CENPN: variants seen among roughly 807,000 people sequenced by gnomAD.
The protein encoded by CENPN is interphase centromere complex protein 32.
In CENPN, 36 loss-of-function variants were observed where a neutral mutation model predicts 48.6. The observed-to-expected ratio is 0.74, with a 90% confidence interval of 0.57 to 0.98. The LOEUF (loss-of-function observed/expected upper bound fraction) is 0.98. Ranked by LOEUF, CENPN falls within the 50% of genes least tolerant of loss-of-function variation. The pLI is 0.00. For missense variants in CENPN, 439 were observed against 399.2 expected, an observed-to-expected ratio of 1.10 and a Z score of -0.85; for synonymous variants, 166 against 135.2, an observed-to-expected ratio of 1.23 and a Z score of -1.58.
At chr16:81,032,940 C>A, downstream of CENPN, 1 of 338,268 alleles carries the variant, frequency 3.0e-6, no homozygotes. Flanking sequence ...CTGTGGCCAA[C>A]CAACCAATGA....
intron 5 of CENPN, among the ~76,000 whole-genome samples, chr16:81,019,031 C>T (rs1386814007): frequency 6.6e-6 from 1 of 152,134 alleles, no homozygotes; most frequent in Non-Finnish European, 1.5e-5. Context: ...GTATTTTATC[C>T]ATGAAGTGGA....
At chr16:81,016,284 C>G (rs901830412) in intron 3 of CENPN, among the ~76,000 whole-genome samples, 1 of 152,156 alleles carries the variant, frequency 6.6e-6, no homozygotes, top group Non-Finnish European at 1.5e-5. Flanking sequence ...TGCTTGAGCC[C>G]GCGAGTTCAA....
chr16:81,024,797 G>C lies in CENPN; in HGVS notation c.697+19G>C. ...ATAAATAGTACGTGTGTGTTAATAT[G>C]AAACTGAATTTTGGAAATGCATCAT... On this transcript the variant is annotated intron_variant, in intron 8 of 10. Coordinates refer to ENST00000305850, the MANE Select transcript of CENPN (RefSeq NM_001100624.3). 6.5e-7 allele frequency: 1 copy of C among 1,548,214 alleles called. No homozygotes were observed. The highest frequency in any genetic ancestry group is 8.9e-7 in the Non-Finnish European group (1 of 1,128,268).
downstream of CENPN, chr16:81,032,434 C>A: frequency 1.2e-6 from 1 of 809,168 alleles, no homozygotes; most frequent in Non-Finnish European, 2.0e-6. Flanking sequence ...TATAAGCGTC[C>A]ACACCCCATT....
At chr16:81,022,871 G>C (rs1230468657) in intron 7 of CENPN, 173 bp downstream of exon 7, 3 of 1,610,214 alleles carry the variant, frequency 1.9e-6, no homozygotes, top group African/African-American at 2.7e-5. Context: ...ATTCCTCACA[G>C]TCATCTTTTT....
At chr16:81,014,251 G>C in intron 3 of CENPN, 70 bp downstream of exon 3, 1 of 1,313,798 alleles carries the variant, frequency 7.6e-7, no homozygotes, top group Non-Finnish European at 1.1e-6. Flanking sequence ...TTCTTTCTTT[G>C]TGAGACAGGG....
intron 8 of CENPN, 112 bp downstream of exon 8, chr16:81,024,890 T>G: frequency 3.3e-6 from 2 of 607,978 alleles, no homozygotes; most frequent in South Asian, 2.9e-5. Context: ...CTTTTATTGT[T>G]TTCAGAAAAA....
intron 2 of CENPN, among the ~76,000 whole-genome samples, chr16:81,012,571 C>T (rs1431608368): frequency 6.6e-6 from 1 of 152,024 alleles, no homozygotes; most frequent in Admixed American, 6.6e-5. Flanking sequence ...CCAATATACC[C>T]GTCTCTCCTT....
intron 6 of CENPN, chr16:81,020,628 TG>T (rs753512024): frequency 5.9e-6 from 1 of 170,062 alleles, no homozygotes; most frequent in Non-Finnish European, 1.2e-5. Flanking sequence ...TATATTTTAT[TG>T]TTTTTTGATC....
At chr16:81,019,746 C>T (rs1326791555) in intron 5 of CENPN, among the ~76,000 whole-genome samples, 4 of 151,758 alleles carry the variant, frequency 2.6e-5, no homozygotes, top group East Asian at 1.9e-4. Context: ...CATGATGGCA[C>T]GTGCCTGTGG....
At chr16:81,020,335 T>C in intron 6 of CENPN, 59 bp downstream of exon 6, 1 of 1,500,530 alleles carries the variant, frequency 6.7e-7, no homozygotes, top group Non-Finnish European at 9.0e-7. Context: ...AAGGTCTATA[T>C]AGATTTTAAC....
At chr16:81,028,149 A>G in intron 9 of CENPN, 22 bp from the exon 10 acceptor site, 3 of 1,546,222 alleles carry the variant, frequency 1.9e-6, no homozygotes, top group Non-Finnish European at 2.7e-6. Flanking sequence ...TTTAATAGTC[A>G]TTTATAAATG....
intron 6 of CENPN, among the ~76,000 whole-genome samples, chr16:81,020,834 A>C (rs550098322): frequency 6.6e-6 from 1 of 152,330 alleles, no homozygotes; most frequent in East Asian, 1.9e-4. Context: ...TCATGTCTGT[A>C]ATCCCAATAC....
intron 7 of CENPN, chr16:81,023,042 G>A (rs1970290309): frequency 1.5e-6 from 1 of 646,794 alleles, no homozygotes; most frequent in Non-Finnish European, 2.4e-6. Context: ...CAACAGAGAA[G>A]TAGAATTAAC....
At chr16:81,022,280 G>A (rs1000100660) in intron 6 of CENPN, 22 of 290,530 alleles carry the variant, frequency 7.6e-5, no homozygotes, top group Non-Finnish European at 1.1e-4. Flanking sequence ...TTAGATGACT[G>A]ATATTCAAAA....
chr16:81,026,169 GTA>G (rs548938741), intron 8 of CENPN, among the ~76,000 whole-genome samples: 280 of 146,342 alleles, frequency 1.9e-3, no homozygotes, highest in African/African-American at 6.3e-3. Flanking sequence ...ATATATATGT[GTA>G]TATATATGTG....
intron 5 of CENPN, among the ~76,000 whole-genome samples, chr16:81,019,266 G>A (rs1430162696): frequency 6.6e-6 from 1 of 151,918 alleles, no homozygotes; most frequent in Non-Finnish European, 1.5e-5. Flanking sequence ...GCCCAGGCTG[G>A]AATGCACTGA....
chr16:81,028,975 TC>T lies in CENPN; in HGVS notation c.*326del. On this transcript the variant is annotated 3_prime_UTR_variant, in exon 11 of 11. Coordinates refer to ENST00000305850, the MANE Select transcript of CENPN (RefSeq NM_001100624.3). ...AGCGCTCAAGACTTTTGGGTTTGTG[TC>T]CTTTTTTCTATGGCTGTCTCTTCTC... is the stretch of plus-strand genomic sequence containing the variant. The T allele has an allele frequency of 5.7e-5, 58 of 1,014,000 alleles. No homozygotes were observed. Among genetic ancestry groups the T allele is most frequent in the Non-Finnish European group, 6.8e-5 (58 of 849,228 alleles). The allele number at this position is 1,014,000 out of a possible 1,614,324, so 62.8% of individuals were successfully genotyped here.
At chr16:81,022,273 G>A (rs2549883) in intron 6 of CENPN, 199,832 of 285,738 alleles carry the variant, frequency 0.7, 72,337 homozygotes, top group South Asian at 0.8. Context: ...TATGGTATTA[G>A]ATGACTGATA....
Sources: allele counts gnomAD v4.1 joint callset (sites outside exome capture counted in the v4.1 genomes callset), GRCh38; gene constraint gnomAD v4.1.1; transcripts MANE v1.5; gene names NCBI Gene and HGNC (gene_info 2026-07-23, HGNC 2026-07-21).